The following DMRT1 variants were observed in gnomAD, a reference collection of about 807,000 sequenced individuals.
The protein encoded by DMRT1 is doublesex- and mab-3-related transcription factor 1.
In DMRT1, 7 loss-of-function variants were observed where a neutral mutation model predicts 32.3. That is an observed-to-expected ratio of 0.22 (90% confidence interval 0.12 to 0.41). DMRT1 has a LOEUF of 0.41. Ranked by LOEUF, DMRT1 falls within the 10% of genes least tolerant of loss-of-function variation. The probability of loss-of-function intolerance (pLI) is 1.00; values close to 1 mark genes in which losing one functional copy is unlikely to be tolerated. For missense variants in DMRT1, 625 were observed against 500.5 expected (o/e 1.25, Z -2.37); for synonymous variants, 278 against 206.1 (o/e 1.35, Z -2.99).
At chr9:934,502 G>T (rs774847542) in intron 4 of DMRT1, among the ~76,000 whole-genome samples, 1 of 151,768 alleles carries the variant, frequency 6.6e-6, no homozygotes, top group Non-Finnish European at 1.5e-5. Flanking sequence ...GCGCTCTCCA[G>T]CTTGGGCAAA....
At chr9:895,425 T>A (rs1817316200) in intron 3 of DMRT1, among the ~76,000 whole-genome samples, 1 of 152,202 alleles carries the variant, frequency 6.6e-6, no homozygotes, top group Non-Finnish European at 1.5e-5. Context: ...TCTGGATGCA[T>A]TTGCCATGCT....
intron 3 of DMRT1, among the ~76,000 whole-genome samples, chr9:899,652 A>G (rs1039817727): frequency 2.6e-5 from 4 of 152,296 alleles, no homozygotes; most frequent in African/African-American, 9.6e-5. Context: ...CAGCAGCTCA[A>G]TTTCACTTCT....
At chr9:932,398 C>T (rs1818754662) in intron 4 of DMRT1, among the ~76,000 whole-genome samples, 1 of 152,190 alleles carries the variant, frequency 6.6e-6, no homozygotes, top group Non-Finnish European at 1.5e-5. Context: ...TGAGCCAATG[C>T]AATGGTAACT....
intron 2 of DMRT1, among the ~76,000 whole-genome samples, chr9:887,156 G>T (rs73374731): frequency 6.6e-6 from 1 of 152,110 alleles, no homozygotes; most frequent in African/African-American, 2.4e-5. Flanking sequence ...AGGAGATCAC[G>T]CCACTGCACT....
chr9:929,613 G>A (rs1291234308), intron 4 of DMRT1, among the ~76,000 whole-genome samples: 1 of 151,880 alleles, frequency 6.6e-6, no homozygotes, highest in South Asian at 2.1e-4. Context: ...CTATTATACA[G>A]GCTAGACACA....
intron 4 of DMRT1, among the ~76,000 whole-genome samples, chr9:961,395 A>G (rs1819768766): frequency 1.3e-5 from 2 of 152,168 alleles, no homozygotes; most frequent in African/African-American, 4.8e-5. Context: ...AGAGTTCCCA[A>G]CTTTTAGGAC....
At chr9:850,816 G>A (rs556668981) in intron 2 of DMRT1, among the ~76,000 whole-genome samples, 2 of 152,176 alleles carry the variant, frequency 1.3e-5, no homozygotes, top group East Asian at 1.9e-4. Context: ...ATCACCTGAG[G>A]TCAGGAGTTC....
intron 1 of DMRT1, 24 bp downstream of exon 1, chr9:842,216 C>A (rs1185669209): frequency 4.1e-6 from 6 of 1,455,114 alleles, no homozygotes; most frequent in Non-Finnish European, 5.5e-6. Context: ...TGCGGGAGCC[C>A]GGGTTCAGCC....
chr9:864,297 C>G (rs1265566951), intron 2 of DMRT1, among the ~76,000 whole-genome samples: 1 of 149,532 alleles, frequency 6.7e-6, no homozygotes, highest in Non-Finnish European at 1.5e-5. Flanking sequence ...CTCTGCCTCT[C>G]AGGTTCAAGC....
intron 2 of DMRT1, among the ~76,000 whole-genome samples, chr9:877,592 A>G (rs1289920619): frequency 6.6e-6 from 1 of 152,224 alleles, no homozygotes; most frequent in East Asian, 1.9e-4. Context: ...ACTAATTTGA[A>G]CAGAACTCCT....
At chr9:916,335 G>A (rs1278651217) in intron 3 of DMRT1, among the ~76,000 whole-genome samples, 1 of 152,020 alleles carries the variant, frequency 6.6e-6, no homozygotes, top group African/African-American at 2.4e-5. Context: ...TCATGGCTGA[G>A]GCCACTTCCA....
chr9:933,802 T>G (rs909518456), intron 4 of DMRT1, among the ~76,000 whole-genome samples: 1 of 152,192 alleles, frequency 6.6e-6, no homozygotes, highest in Non-Finnish European at 1.5e-5. Flanking sequence ...CGGCAACTTT[T>G]TGGGTCTTTT....
intron 4 of DMRT1, among the ~76,000 whole-genome samples, chr9:949,305 C>G (rs538282899): frequency 6.6e-6 from 1 of 151,996 alleles, no homozygotes; most frequent in Non-Finnish European, 1.5e-5. Flanking sequence ...GAGTTCGAGA[C>G]TGCAAGCCAA....
At position 961,342 on chromosome 9, in the gene DMRT1, C is replaced by T. The variant is rs77573325; in HGVS notation, c.968-6643C>T. Among the ~76,000 whole-genome samples, 1,065 of 152,252 alleles carry T rather than the reference C, an allele frequency of 7.0e-3. 18 individuals are homozygous for T. The highest frequency in any genetic ancestry group is 0.024 in the African/African-American group (1,013 of 41,526). On this transcript the variant is annotated intron_variant, in intron 4 of 4. Coordinates refer to ENST00000382276, the MANE Select transcript of DMRT1 (RefSeq NM_021951.3). ...TTGTAGATTAGGAACAGATGAGACC[C>T]GTACTTATTTGGAGACATTGACACC...
At chr9:950,632 T>C (rs1819397672) in intron 4 of DMRT1, among the ~76,000 whole-genome samples, 1 of 152,186 alleles carries the variant, frequency 6.6e-6, no homozygotes, top group African/African-American at 2.4e-5. Context: ...TAATGTGGAC[T>C]GAACTTCATT....
chr9:961,968 A>C (rs568462565), intron 4 of DMRT1, among the ~76,000 whole-genome samples: 2 of 152,320 alleles, frequency 1.3e-5, no homozygotes, highest in East Asian at 3.9e-4. Flanking sequence ...GTTTTCTTAA[A>C]AGTCTAGGTC....
chr9:905,488 C>G (rs4998165), intron 3 of DMRT1, among the ~76,000 whole-genome samples: 14,704 of 147,610 alleles, frequency 0.1, 1,427 homozygotes, highest in African/African-American at 0.26. Context: ...GTGTGTGTGT[C>G]TGTGTGTGTG....
chr9:844,252 C>T (rs1238980179), intron 1 of DMRT1, among the ~76,000 whole-genome samples: 3 of 152,114 alleles, frequency 2.0e-5, no homozygotes, highest in East Asian at 3.8e-4. Context: ...CCAGATGAAT[C>T]CTTAAAAATC....
intron 2 of DMRT1, among the ~76,000 whole-genome samples, chr9:872,304 A>AC (rs2132611089): frequency 6.6e-6 from 1 of 150,968 alleles, no homozygotes; most frequent in South Asian, 2.1e-4. Flanking sequence ...CTTGTGATCC[A>AC]CCCGCCTTGG....
Sources: allele counts gnomAD v4.1 joint callset (sites outside exome capture counted in the v4.1 genomes callset), GRCh38; gene constraint gnomAD v4.1.1; transcripts MANE v1.5; gene names NCBI Gene and HGNC (gene_info 2026-07-23, HGNC 2026-07-21).